PDE3B: variants seen among roughly 807,000 people sequenced by gnomAD.
PDE3B encodes the protein phosphodiesterase 3B, also known as cGMP-inhibited 3',5'-cyclic phosphodiesterase 3B.
PDE3B carries 66 observed loss-of-function variants against 116.8 expected under a neutral mutation model. That is an observed-to-expected ratio of 0.56 (90% confidence interval 0.46 to 0.69). The LOEUF (loss-of-function observed/expected upper bound fraction) is 0.69. Ranked by LOEUF, PDE3B falls within the 30% of genes least tolerant of loss-of-function variation. The pLI is 0.00. For missense variants in PDE3B, 1,384 were observed against 1,368.1 expected (o/e 1.01, Z -0.18); for synonymous variants, 595 against 533.6 (o/e 1.12, Z -1.59).
At chr11:14,699,805 C>A (rs996326681) in intron 1 of PDE3B, among the ~76,000 whole-genome samples, 1 of 151,736 alleles carries the variant, frequency 6.6e-6, no homozygotes, top group African/African-American at 2.4e-5. Context: ...TTTAGTGAAA[C>A]CTACAAAAGA....
downstream of PDE3B, among the ~76,000 whole-genome samples, chr11:14,876,409 G>C (rs1387801154): frequency 6.6e-6 from 1 of 152,150 alleles, no homozygotes; most frequent in Non-Finnish European, 1.5e-5. Context: ...GGCTTAGCAA[G>C]TGAGGCAGAC....
intron 1 of PDE3B, among the ~76,000 whole-genome samples, chr11:14,696,543 A>G (rs1424929081): frequency 6.6e-6 from 1 of 152,128 alleles, no homozygotes; most frequent in African/African-American, 2.4e-5. Flanking sequence ...GGTGCTGATG[A>G]TGCGCGAGTG....
intron 10 of PDE3B, among the ~76,000 whole-genome samples, chr11:14,834,367 A>G (rs1859988117): frequency 1.3e-5 from 2 of 152,192 alleles, no homozygotes; most frequent in African/African-American, 4.8e-5. Flanking sequence ...TCCCAAGATT[A>G]TAAAACTAGA....
chr11:14,875,981 G>A (rs782111444), downstream of PDE3B, among the ~76,000 whole-genome samples: 17 of 152,162 alleles, frequency 1.1e-4, no homozygotes, highest in Non-Finnish European at 1.6e-4. Flanking sequence ...ATAGATTTAT[G>A]GAGTTCCTAA....
intron 1 of PDE3B, among the ~76,000 whole-genome samples, chr11:14,722,342 A>C (rs1356698722): frequency 2.6e-5 from 4 of 152,160 alleles, no homozygotes; most frequent in African/African-American, 9.7e-5. Flanking sequence ...AAAATCTAGG[A>C]AAGTCTAGTC....
At chr11:14,741,476 A>G (rs981856285) in intron 1 of PDE3B, among the ~76,000 whole-genome samples, 6 of 151,690 alleles carry the variant, frequency 4.0e-5, no homozygotes, top group South Asian at 2.1e-4. Flanking sequence ...TTTTGAGCCT[A>G]TGTGTTTTTG....
the PDE3B span, chr11:14,891,600 G>A: frequency 1.9e-6 from 2 of 1,061,716 alleles, no homozygotes; most frequent in Admixed American, 1.0e-4. Context: ...CCACAGAGCT[G>A]CGAGGCCGAC....
intron 1 of PDE3B, among the ~76,000 whole-genome samples, chr11:14,769,104 A>C (rs544879137): frequency 1.2e-4 from 18 of 151,526 alleles, no homozygotes; most frequent in Non-Finnish European, 2.4e-4. Context: ...GACTGCAAAT[A>C]AGATTGGGCT....
chr11:14,757,462 C>G (rs958654334), intron 1 of PDE3B, among the ~76,000 whole-genome samples: 2 of 151,638 alleles, frequency 1.3e-5, no homozygotes, highest in Non-Finnish European at 1.5e-5. Flanking sequence ...TCTCTAGCAC[C>G]TGCTGTTTCC....
At chr11:14,694,096 A>G (rs1439092441) in intron 1 of PDE3B, among the ~76,000 whole-genome samples, 1 of 152,178 alleles carries the variant, frequency 6.6e-6, no homozygotes, top group East Asian at 1.9e-4. Context: ...GAGCCTGAAG[A>G]TGTGACTGAA....
At chr11:14,652,082 A>G (rs2133749064) in intron 1 of PDE3B, among the ~76,000 whole-genome samples, 1 of 152,298 alleles carries the variant, frequency 6.6e-6, no homozygotes, top group East Asian at 1.9e-4. Flanking sequence ...GAGGAGTTTT[A>G]TAAAAGTTTT....
intron 2 of PDE3B, among the ~76,000 whole-genome samples, chr11:14,783,820 G>C (rs1171819342): frequency 5.3e-5 from 8 of 152,104 alleles, no homozygotes; most frequent in Admixed American, 4.6e-4. Context: ...AAAAGAATCT[G>C]TCAGTAAGAG....
intron 3 of PDE3B, among the ~76,000 whole-genome samples, chr11:14,787,593 G>T (rs901209902): frequency 6.6e-6 from 1 of 151,854 alleles, no homozygotes; most frequent in Non-Finnish European, 1.5e-5. Context: ...CCCAGTTAGA[G>T]GAAAAGGATT....
intron 1 of PDE3B, among the ~76,000 whole-genome samples, chr11:14,668,825 A>C (rs1017888662): frequency 6.6e-6 from 1 of 151,968 alleles, no homozygotes; most frequent in South Asian, 2.1e-4. Flanking sequence ...AAACACTACT[A>C]TGTCAAAAAG....
At position 14,867,608 on chromosome 11, in the gene PDE3B, G is replaced by A. The variant is rs1555008280; in HGVS notation, c.2989G>A (p.Gly997Ser). Reference protein sequence around the residue: ...LQESFITHIVGPLCNSYDAAG... With the variant: ...LQESFITHIVSPLCNSYDAAG... ...AGAATCTTTTATCACCCACATAGTG[G>A]GTCCCCTGTGTAACTCCTATGATGC... The change falls in exon 15 of 16, where the codon GGT becomes AGT. Residue 997 changes from glycine (G) to serine (S), a missense_variant. Physicochemically the swap from Gly to Ser is moderately conservative, Grantham distance 56 (BLOSUM62 0). Coordinates refer to ENST00000282096, the MANE Select transcript of PDE3B (RefSeq NM_000922.4). 1 of 1,613,966 alleles carries A rather than the reference G, an allele frequency of 6.2e-7. No individual in the cohort carries two copies. Among genetic ancestry groups the A allele is most frequent in the South Asian group, 1.1e-5 (1 of 91,076 alleles).
At chr11:14,753,386 G>T (rs1857106610) in intron 1 of PDE3B, among the ~76,000 whole-genome samples, 1 of 151,952 alleles carries the variant, frequency 6.6e-6, no homozygotes, top group African/African-American at 2.4e-5. Flanking sequence ...CCTAAATGAT[G>T]GATATATTTT....
intron 4 of PDE3B, among the ~76,000 whole-genome samples, chr11:14,793,347 T>G (rs1240825351): frequency 2.0e-5 from 3 of 152,226 alleles, no homozygotes; most frequent in African/African-American, 7.2e-5. Flanking sequence ...ATATTTCATA[T>G]ACACATAGCC....
chr11:14,833,318 A>G (rs958912380), intron 10 of PDE3B, among the ~76,000 whole-genome samples: 6 of 152,096 alleles, frequency 3.9e-5, no homozygotes, highest in Non-Finnish European at 8.8e-5. Flanking sequence ...TTAACTGACT[A>G]CTGTTAACAT....
At chr11:14,880,913 G>T in the PDE3B span, 1 of 731,296 alleles carries the variant, frequency 1.4e-6, no homozygotes, top group Non-Finnish European at 2.2e-6. Flanking sequence ...CCTGTTCTCA[G>T]CAACTCATTA....
Sources: gnomAD v4.1 joint callset for allele counts (sites outside exome capture counted in the v4.1 genomes callset) on GRCh38, gnomAD v4.1.1 for gene constraint, MANE v1.5 for transcripts, NCBI Gene and HGNC (gene_info 2026-07-23, HGNC 2026-07-21) for gene names.